Variants in PTK7 observed in about 807,000 individuals in gnomAD.
PTK7 encodes the protein protein tyrosine kinase 7 (inactive), also known as inactive tyrosine-protein kinase 7.
Under a neutral mutation model 116.6 loss-of-function variants are expected in PTK7, and 39 were observed. The observed-to-expected ratio is 0.33, with a 90% CI of 0.26 to 0.44. PTK7 has a LOEUF of 0.44. PTK7 is among the 20% of genes least tolerant of loss of function. The pLI is 1.00. For missense variants in PTK7, 1,169 were observed against 1,425.6 expected, an observed-to-expected ratio of 0.82 and a Z score of 2.90; for synonymous variants, 546 against 563.6, an observed-to-expected ratio of 0.97 and a Z score of 0.44.
chr6:43,159,994 T>A (rs771831314), intron 19 of PTK7, 28 bp downstream of exon 19: 1 of 1,600,562 alleles, frequency 6.2e-7, no homozygotes, highest in East Asian at 2.2e-5. Context: ...TAGGGGATGA[T>A]TCCAGATGGG....
At chr6:43,100,954 T>C (rs142751384) in intron 1 of PTK7, among the ~76,000 whole-genome samples, 184 of 152,352 alleles carry the variant, frequency 1.2e-3, no homozygotes, top group African/African-American at 4.2e-3. Context: ...GTTGTATCAC[T>C]GGGTGCGGTG....
intron 1 of PTK7, among the ~76,000 whole-genome samples, chr6:43,126,171 T>G (rs1769274713): frequency 6.6e-6 from 1 of 152,000 alleles, no homozygotes; most frequent in Non-Finnish European, 1.5e-5. Context: ...AATACAAAAA[T>G]TAGCCAGGTG....
At chr6:43,127,082 A>T (rs746853046) in intron 1 of PTK7, among the ~76,000 whole-genome samples, 4 of 152,224 alleles carry the variant, frequency 2.6e-5, no homozygotes, top group Non-Finnish European at 5.9e-5. Context: ...TCATGCCATA[A>T]AGAACAGAAC....
intron 1 of PTK7, among the ~76,000 whole-genome samples, chr6:43,105,103 G>T (rs1476348069): frequency 1.3e-5 from 2 of 150,484 alleles, no homozygotes; most frequent in African/African-American, 4.9e-5. Context: ...GAGCCACCAA[G>T]CCCAGCCTTT....
At chr6:43,095,589 G>A (rs1767208726) in intron 1 of PTK7, among the ~76,000 whole-genome samples, 1 of 152,178 alleles carries the variant, frequency 6.6e-6, no homozygotes, top group African/African-American at 2.4e-5. Context: ...CCAGGGGCTA[G>A]GAGACTCAGC....
In PTK7 at chr6:43,139,324, AG is replaced by A; in HGVS notation, c.1498+57del. 1 of 1,614,010 alleles carries A rather than the reference AG, an allele frequency of 6.2e-7. No homozygotes were observed. The highest frequency in any genetic ancestry group is 8.5e-7 in the Non-Finnish European group (1 of 1,179,880). On this transcript the variant is annotated intron_variant, in intron 9 of 19. Transcript: ENST00000230419. The surrounding 1 kb of genome is among the most constrained non-coding windows in gnomAD (Gnocchi z 4.6). The stretch of plus-strand genomic sequence containing the variant: ...CCTTCCTGGCTAGGCAGGAGAGGAA[AG>A]GGGAGGGAGCAGCAGGCCTGGCCAC...
At chr6:43,092,952 A>G (rs1007945290) in intron 1 of PTK7, among the ~76,000 whole-genome samples, 12 of 152,208 alleles carry the variant, frequency 7.9e-5, no homozygotes, top group Non-Finnish European at 1.6e-4. Flanking sequence ...GTAACTTTCA[A>G]TAAAACCTGT....
intron 1 of PTK7, among the ~76,000 whole-genome samples, chr6:43,120,445 C>A (rs911178286): frequency 6.6e-6 from 1 of 152,196 alleles, no homozygotes; most frequent in Non-Finnish European, 1.5e-5. Context: ...GCAGGTCTCC[C>A]GGGGAGGCTG....
chr6:43,123,692 GA>G (rs1332214990), intron 1 of PTK7, among the ~76,000 whole-genome samples: 1 of 152,190 alleles, frequency 6.6e-6, no homozygotes, highest in Non-Finnish European at 1.5e-5. Context: ...AAATGGCTTG[GA>G]AAATGTCCTT....
At chr6:43,155,107 G>GC (rs1771345801) in intron 17 of PTK7, among the ~76,000 whole-genome samples, 1 of 152,256 alleles carries the variant, frequency 6.6e-6, no homozygotes, top group East Asian at 1.9e-4. Flanking sequence ...CCTGGCTGCA[G>GC]CCCCCCATCA....
intron 17 of PTK7, among the ~76,000 whole-genome samples, chr6:43,149,394 T>C (rs1770940974): frequency 6.6e-6 from 1 of 152,096 alleles, no homozygotes; most frequent in Non-Finnish European, 1.5e-5. Flanking sequence ...AAAAGATTTC[T>C]GGACCATGAC....
intron 5 of PTK7, 143 bp downstream of exon 5, chr6:43,130,804 CT>C: frequency 1.6e-6 from 2 of 1,253,290 alleles, no homozygotes; most frequent in Non-Finnish European, 2.2e-6. Context: ...GAATGTTTTG[CT>C]TTTACAAGAT....
intron 14 of PTK7, 102 bp from the exon 15 acceptor site, chr6:43,144,349 C>A: frequency 6.8e-7 from 1 of 1,468,522 alleles, no homozygotes; most frequent in Non-Finnish European, 9.4e-7. Flanking sequence ...TGTGATTGGA[C>A]CCAAGTTGGC....
chr6:43,093,183 CTT>C (rs72414606), intron 1 of PTK7, among the ~76,000 whole-genome samples: 2 of 84,780 alleles, frequency 2.4e-5, no homozygotes, highest in Non-Finnish European at 2.2e-5. Context: ...ATAGGATCTC[CTT>C]TTTTTTTTTT....
intron 15 of PTK7, 126 bp downstream of exon 15, chr6:43,144,732 G>A (rs1329200290): frequency 1.6e-6 from 2 of 1,231,392 alleles, no homozygotes; most frequent in Non-Finnish European, 1.1e-6. Context: ...GGGAAGCATA[G>A]GTAGAGATCT....
intron 1 of PTK7, among the ~76,000 whole-genome samples, chr6:43,115,172 A>G (rs1041354754): frequency 6.6e-6 from 1 of 152,134 alleles, no homozygotes. Flanking sequence ...ATCTTTAGCC[A>G]GAATGCTTTT....
intron 1 of PTK7, among the ~76,000 whole-genome samples, chr6:43,106,263 G>A (rs1053623298): frequency 6.6e-6 from 1 of 152,016 alleles, no homozygotes; most frequent in Admixed American, 6.6e-5. Context: ...TGGTCTTTGT[G>A]CTTCTGACTT....
intron 1 of PTK7, among the ~76,000 whole-genome samples, chr6:43,101,462 G>T (rs1013688393): frequency 4.0e-5 from 6 of 149,176 alleles, no homozygotes; most frequent in African/African-American, 1.2e-4. Flanking sequence ...TGAGGCATGA[G>T]AATGGCATGA....
intron 1 of PTK7, among the ~76,000 whole-genome samples, chr6:43,118,659 C>CTATATA (rs58935341): frequency 1.5e-4 from 8 of 53,010 alleles, no homozygotes; most frequent in South Asian, 6.9e-4. Context: ...CTCTCTCTCT[C>CTATATA]TATATATATA....
Sources: allele counts gnomAD v4.1 joint callset (sites outside exome capture counted in the v4.1 genomes callset), GRCh38; gene constraint gnomAD v4.1.1; non-coding constraint Gnocchi (gnomAD v3.1); transcripts MANE v1.5; gene names NCBI Gene and HGNC (gene_info 2026-07-23, HGNC 2026-07-21).